The following PTPRU variants were observed in gnomAD, a reference collection of about 807,000 sequenced individuals.
The protein encoded by PTPRU is receptor-type tyrosine-protein phosphatase U.
Under a neutral mutation model 166.3 loss-of-function variants are expected in PTPRU, and 69 were observed. That is an observed-to-expected ratio of 0.41 (90% CI 0.34 to 0.51). The LOEUF (loss-of-function observed/expected upper bound fraction) is 0.51, where lower values mean the gene tolerates loss of function less well. Ranked by LOEUF, PTPRU falls within the 20% of genes least tolerant of loss-of-function variation. The pLI is 0.09. For synonymous variants in PTPRU, 793 were observed against 814.0 expected (o/e 0.97, Z 0.44); for missense variants, 1,657 against 2,013.7 (o/e 0.82, Z 3.39).
At chr1:29,319,783 G>A (rs1688068035) in intron 25 of PTPRU, among the ~76,000 whole-genome samples, 1 of 152,166 alleles carries the variant, frequency 6.6e-6, no homozygotes, top group Admixed American at 6.5e-5. Context: ...ATGGGAGCTT[G>A]TGCCAGCCCC....
rs1442795853 is a variant in PTPRU at position 29,280,324 on chromosome 1, C to T, written c.1868+183C>T. On this transcript the variant is annotated intron_variant, in intron 11 of 29. Transcript: ENST00000373779. This position sits in a 1 kb window ranked among gnomAD's most constrained non-coding sequence, Gnocchi z 4.2. The stretch of plus-strand genomic sequence containing the variant: ...GCAGGCAAGAAGCCTGCAGTCCCTC[C>T]CCTCTGAGGCCATGGGTCTCAGATG... Among the ~76,000 whole-genome samples, 1 of 152,212 alleles carries T rather than the reference C, an allele frequency of 6.6e-6. No individual in the cohort carries two copies. Among genetic ancestry groups the T allele is most frequent in the Non-Finnish European group, 1.5e-5 (1 of 68,036 alleles).
At chr1:29,252,859 T>C (rs1362002720) in intron 1 of PTPRU, among the ~76,000 whole-genome samples, 2 of 152,164 alleles carry the variant, frequency 1.3e-5, no homozygotes, top group Admixed American at 6.5e-5. Flanking sequence ...AGCAAGCAAT[T>C]AATTCTGTAG....
Position 29,317,646 on chromosome 1 carries a change from T to C in PTPRU, c.3514-102T>C. On this transcript the variant is annotated intron_variant, in intron 24 of 29. Coordinates refer to ENST00000373779, the MANE Select transcript of PTPRU (RefSeq NM_133178.4). The surrounding 1 kb of genome is among the most constrained non-coding windows in gnomAD (Gnocchi z 5.6). ...CTCTGGACCTCAGTTTCTCCATCCA[T>C]AAAATGGGATTAGTAACTCAGTCCA... The C allele has an allele frequency of 7.6e-7, 1 of 1,309,222 alleles. No homozygotes were observed. Among genetic ancestry groups the C allele is most frequent in the East Asian group, 2.3e-5 (1 of 42,880 alleles). 81.1% of individuals were successfully genotyped at this position (1,309,222 alleles called of 1,614,324 possible).
chr1:29,301,416 C>A (rs1687127392), intron 15 of PTPRU, among the ~76,000 whole-genome samples: 1 of 152,156 alleles, frequency 6.6e-6, no homozygotes, highest in Non-Finnish European at 1.5e-5. Flanking sequence ...CTAGCACATA[C>A]AATTATGTGC....
chr1:29,245,958 C>T (rs911725563), intron 1 of PTPRU, among the ~76,000 whole-genome samples: 2 of 152,386 alleles, frequency 1.3e-5, no homozygotes, highest in Middle Eastern at 3.4e-3. Flanking sequence ...CGCATTGCAG[C>T]ACTGCACCGT....
intron 1 of PTPRU, among the ~76,000 whole-genome samples, chr1:29,254,835 C>T (rs1396039897): frequency 6.6e-6 from 1 of 152,194 alleles, no homozygotes; most frequent in Non-Finnish European, 1.5e-5. Flanking sequence ...AACCCCACCT[C>T]CATCACCAGT....
Position 29,236,829 on chromosome 1 carries a change from G to A in PTPRU, c.73+112G>A. On this transcript the variant is annotated intron_variant, in intron 1 of 29. Transcript: ENST00000373779. This position sits in a 1 kb window ranked among gnomAD's most constrained non-coding sequence, Gnocchi z 4.6. ...ACCGGGCGTTACGAGCGTGCTCCCT[G>A]TGTGTGTCTGAGCGTAGGATGGGCG... 9.6e-7 allele frequency: 1 copy of A among 1,040,622 alleles called. No individual in the cohort carries two copies. The highest frequency in any genetic ancestry group is 1.7e-5 in the African/African-American group (1 of 59,722). The allele number at this position is 1,040,622 out of a possible 1,614,324, so 64.5% of individuals were successfully genotyped here.
At chr1:29,253,101 T>C (rs1684627802) in intron 1 of PTPRU, among the ~76,000 whole-genome samples, 1 of 152,182 alleles carries the variant, frequency 6.6e-6, no homozygotes, top group Admixed American at 6.5e-5. Flanking sequence ...AACTGGTTAA[T>C]TATAAAGGAT....
rs995070705 is a variant in PTPRU at position 29,291,627 on chromosome 1, C to G, written c.2319-242C>G. ...ATCCCAGCCTGAAGCCACTGCTGCT[C>G]CACCCCTTTCCCTTAGCAAAGGTCC... On this transcript the variant is annotated intron_variant, in intron 14 of 29. Coordinates refer to ENST00000373779, the MANE Select transcript of PTPRU (RefSeq NM_133178.4). This position sits in a 1 kb window ranked among gnomAD's most constrained non-coding sequence, Gnocchi z 4.1. 2.0e-5 allele frequency among the ~76,000 whole-genome samples: 3 copies of G among 152,192 alleles called. No homozygotes were observed. The highest frequency in any genetic ancestry group is 4.4e-5 in the Non-Finnish European group (3 of 68,034).
chr1:29,277,019 C>A (rs1414708452), intron 8 of PTPRU, among the ~76,000 whole-genome samples: 1 of 152,180 alleles, frequency 6.6e-6, no homozygotes, highest in Non-Finnish European at 1.5e-5. Context: ...TACAATTGAA[C>A]TGTTATTTCT....
chr1:29,305,509 C>T (rs757985914), intron 18 of PTPRU, 81 bp downstream of exon 18: 27 of 1,406,642 alleles, frequency 1.9e-5, no homozygotes, highest in East Asian at 6.8e-5. Context: ...AGAAACCTGT[C>T]GGGATAAATG....
rs1350977427 is a variant in PTPRU, at chr1:29,239,079, G to C, written c.73+2362G>C. On this transcript the variant is annotated intron_variant, in intron 1 of 29. Transcript: ENST00000373779. The stretch of plus-strand genomic sequence containing the variant: ...CTGTGATTTAAAGCTGGGGTATTAG[G>C]TGTCAAATTCTGCCTCTGCTACTTG... Among the ~76,000 whole-genome samples the C allele has an allele frequency of 2.0e-5, 3 of 152,330 alleles. No homozygotes were observed. The East Asian group carries it at 5.8e-4, about 29-fold the overall frequency.
intron 18 of PTPRU, among the ~76,000 whole-genome samples, chr1:29,305,990 A>G (rs1364311669): frequency 6.6e-6 from 1 of 152,254 alleles, no homozygotes; most frequent in African/African-American, 2.4e-5. Flanking sequence ...TGAGGCAGTT[A>G]GCACCATGAC....
chr1:29,239,903 G>A (rs1683964525), intron 1 of PTPRU, among the ~76,000 whole-genome samples: 1 of 152,084 alleles, frequency 6.6e-6, no homozygotes, highest in Non-Finnish European at 1.5e-5. Flanking sequence ...CCCTTTGAAG[G>A]CTCCCCATTG....
rs998591082 is a variant in PTPRU, at chr1:29,316,060, C to T, written c.3422C>T (p.Thr1141Ile). 1 of 1,614,080 alleles carries T rather than the reference C, an allele frequency of 6.2e-7. No homozygotes were observed. Reference protein sequence around the residue: ...ILEACLCGETTIPVSEFKATY... With the variant: ...ILEACLCGETIIPVSEFKATY... ...GAGGCCTGCCTGTGTGGGGAGACCA[C>T]CATCCCTGTCAGTGAGTTCAAGGCC... The change falls in exon 24 of 30, where the codon ACC (threonine) becomes ATC (isoleucine). Residue 1141 changes from threonine to isoleucine, a missense_variant. Physicochemically the swap from Thr to Ile is moderately conservative, Grantham distance 89. Around this residue, in one of 3 missense-constraint regions of PTPRU, gnomAD observed 1,190 missense variants for 1,477.4 expected, o/e 0.81. Transcript: ENST00000373779.
chr1:29,304,926 G>A, intron 17 of PTPRU, 77 bp downstream of exon 17: 2 of 1,378,100 alleles, frequency 1.5e-6, no homozygotes, highest in Non-Finnish European at 2.0e-6. Context: ...GCCAGGGTGA[G>A]CTGGGGCAGC....
chr1:29,246,520 T>G (rs1160400006), intron 1 of PTPRU, among the ~76,000 whole-genome samples: 2 of 152,248 alleles, frequency 1.3e-5, no homozygotes, highest in Non-Finnish European at 2.9e-5. Context: ...CCAGGGCCTC[T>G]ACCCTGCAAC....
intron 13 of PTPRU, 121 bp from the exon 14 acceptor site, chr1:29,284,610 A>G: frequency 7.3e-7 from 1 of 1,373,390 alleles, no homozygotes; most frequent in Non-Finnish European, 1.0e-6. Flanking sequence ...GGCAGGACAC[A>G]CATTGAGGAT....
chr1:29,278,726 C>G (rs182072292), intron 8 of PTPRU, among the ~76,000 whole-genome samples: 2 of 152,214 alleles, frequency 1.3e-5, no homozygotes, highest in Non-Finnish European at 2.9e-5. Context: ...CTGAATGCAA[C>G]CTACACAGTA....
Sources: allele counts gnomAD v4.1 joint callset (sites outside exome capture counted in the v4.1 genomes callset), GRCh38; gene constraint gnomAD v4.1.1; regional missense constraint gnomAD v4.1.1; non-coding constraint Gnocchi (gnomAD v3.1); transcripts MANE v1.5; gene names NCBI Gene and HGNC (gene_info 2026-07-23, HGNC 2026-07-21).